The following COL23A1 variants were observed in gnomAD, a reference collection of about 807,000 sequenced individuals.
COL23A1 encodes the protein collagen type XXIII alpha 1 chain.
COL23A1 carries 97 observed loss-of-function variants against 99.3 expected under a neutral mutation model. That is an observed-to-expected ratio of 0.98 (90% CI 0.83 to 1.16). COL23A1 has a LOEUF of 1.16. COL23A1 is among the 50% of genes most tolerant of loss of function. The pLI is 0.00. For synonymous variants in COL23A1, 320 were observed against 308.2 expected (o/e 1.04, Z -0.40); for missense variants, 762 against 757.4 (o/e 1.01, Z -0.07).
At chr5:178,383,714 C>G (rs1366026681) in intron 2 of COL23A1, among the ~76,000 whole-genome samples, 1 of 151,696 alleles carries the variant, frequency 6.6e-6, no homozygotes, top group African/African-American at 2.4e-5. Context: ...CAATCACAGT[C>G]CTTCAGTGTT....
chr5:178,480,764 A>C (rs1757290050), intron 2 of COL23A1, among the ~76,000 whole-genome samples: 2 of 152,208 alleles, frequency 1.3e-5, no homozygotes, highest in African/African-American at 4.8e-5. Context: ...CAAGGATGCA[A>C]AAAGCCTGCT....
chr5:178,289,269 C>T lies in COL23A1; in HGVS notation c.415-919G>A, dbSNP rs535995191. On this transcript the variant is annotated intron_variant, in intron 4 of 28. Coordinates refer to ENST00000390654, the MANE Select transcript of COL23A1 (RefSeq NM_173465.4). ...GAAGGCTGATTTTGGCTCTGACTGT[C>T]AATGTGCTTCTTGAGTGGATTAACT... 5.9e-5 allele frequency among the ~76,000 whole-genome samples: 9 copies of T among 152,254 alleles called. No individual in the cohort carries two copies. In the South Asian group the frequency reaches 1.7e-3, roughly 28 times the overall value.
At chr5:178,321,878 G>A (rs990788285) in intron 2 of COL23A1, among the ~76,000 whole-genome samples, 2 of 151,764 alleles carry the variant, frequency 1.3e-5, no homozygotes, top group Non-Finnish European at 2.9e-5. Context: ...ACAGTGGCAC[G>A]ATCTTGGCTC....
Position 178,262,260 on chromosome 5 carries a change from A to G in COL23A1, c.640-8T>C, listed in dbSNP as rs1358874448. On this transcript the variant is annotated splice_region_variant and splice_polypyrimidine_tract_variant and intron_variant, in intron 9 of 28. Coordinates refer to ENST00000390654, the MANE Select transcript of COL23A1 (RefSeq NM_173465.4). The stretch of plus-strand genomic sequence containing the variant: ...GGGCTCTCCTTTGGGGCCCTGCGGA[A>G]GTGTGAGGGGACAGCAGTGAAGGAT... 8.2e-6 allele frequency: 13 copies of G among 1,579,614 alleles called. No individual in the cohort carries two copies. The highest frequency in any genetic ancestry group is 1.1e-5 in the Non-Finnish European group (13 of 1,162,150).
rs553567177 is a variant in COL23A1, at chr5:178,509,833, G to A, written c.361+50849C>T. ...GATCATTAGCCATTAATCATGTGCCGTCCAGGGACAGCTTGTCTGCTTTCT... is the reference window on the plus strand; with the variant it reads ...GATCATTAGCCATTAATCATGTGCCATCCAGGGACAGCTTGTCTGCTTTCT... On this transcript the variant is annotated intron_variant, in intron 2 of 28. Transcript: ENST00000390654. 6.6e-5 allele frequency among the ~76,000 whole-genome samples: 10 copies of A among 152,322 alleles called. No individual in the cohort carries two copies. In the South Asian group the frequency reaches 1.9e-3, roughly 28 times the overall value.
chr5:178,590,303 C>T lies in COL23A1; in HGVS notation c.-106G>A. ...AGCCCGAGGCACGAGGTCCGCCGGG[C>T]GCGGGGGTTAGCCTCCGGGTAGCAG... On this transcript the variant is annotated 5_prime_UTR_variant, in exon 1 of 29. Coordinates refer to ENST00000390654, the MANE Select transcript of COL23A1 (RefSeq NM_173465.4). The surrounding 1 kb of genome is among the most constrained non-coding windows in gnomAD (Gnocchi z 5.7). 9.6e-7 allele frequency: 1 copy of T among 1,046,502 alleles called. No homozygotes were observed. The highest frequency in any genetic ancestry group is 1.2e-6 in the Non-Finnish European group (1 of 841,806). 64.8% of individuals were successfully genotyped at this position (1,046,502 alleles called of 1,614,324 possible).
chr5:178,458,160 G>A (rs1430706538), intron 2 of COL23A1, among the ~76,000 whole-genome samples: 1 of 2,466 alleles, frequency 4.1e-4, no homozygotes, highest in African/African-American at 9.3e-3. Context: ...AAATAACTGC[G>A]ATTGACCTCA....
intron 12 of COL23A1, among the ~76,000 whole-genome samples, chr5:178,259,436 C>T (rs1198882019): frequency 2.0e-5 from 3 of 152,188 alleles, no homozygotes; most frequent in African/African-American, 7.2e-5. Flanking sequence ...AACTAGTGCC[C>T]CCCAGCCCTG....
At chr5:178,400,366 C>CAAA (rs58417444) in intron 2 of COL23A1, among the ~76,000 whole-genome samples, 2,133 of 61,664 alleles carry the variant, frequency 0.035, 247 homozygotes, top group African/African-American at 0.12. Context: ...GACTCCGTCT[C>CAAA]AAAAAAAAAA....
chr5:178,547,376 T>G (rs1366253983), intron 2 of COL23A1, among the ~76,000 whole-genome samples: 1 of 151,836 alleles, frequency 6.6e-6, no homozygotes. Flanking sequence ...TTGGCTCTCC[T>G]GGGCCAGATT....
chr5:178,559,404 C>T (rs1367426209), intron 2 of COL23A1, among the ~76,000 whole-genome samples: 1 of 152,184 alleles, frequency 6.6e-6, no homozygotes, highest in Admixed American at 6.5e-5. Flanking sequence ...GTCACCTTTC[C>T]CTGCATGTCG....
At chr5:178,259,624 C>T (rs1013398606) in intron 12 of COL23A1, 97 bp downstream of exon 12, 10 of 1,190,292 alleles carry the variant, frequency 8.4e-6, no homozygotes, top group East Asian at 7.8e-5. Context: ...CAGCCCATCC[C>T]GTCCCCATCC....
At chr5:178,574,519 G>A (rs796947424) in intron 1 of COL23A1, among the ~76,000 whole-genome samples, 74 of 152,282 alleles carry the variant, frequency 4.9e-4, no homozygotes, top group African/African-American at 1.7e-3. Flanking sequence ...TACTCGCCAC[G>A]GGGTTGGATG....
At chr5:178,424,136 G>A (rs970654863) in intron 2 of COL23A1, among the ~76,000 whole-genome samples, 3 of 152,144 alleles carry the variant, frequency 2.0e-5, no homozygotes, top group Non-Finnish European at 4.4e-5. Context: ...CCAAGGCAGC[G>A]GACAGGAAGA....
At chr5:178,305,452 G>A (rs555184690) in intron 3 of COL23A1, among the ~76,000 whole-genome samples, 22 of 152,298 alleles carry the variant, frequency 1.4e-4, no homozygotes, top group African/African-American at 4.8e-4. Flanking sequence ...GCCTGGCTTC[G>A]TCACCATGGC....
intron 5 of COL23A1, among the ~76,000 whole-genome samples, chr5:178,279,230 C>T (rs1463223859): frequency 6.6e-6 from 1 of 152,228 alleles, no homozygotes; most frequent in Admixed American, 6.5e-5. Context: ...TCCTTCCAGA[C>T]TCACGTGTCA....
chr5:178,498,730 TA>T (rs940265291), intron 2 of COL23A1, among the ~76,000 whole-genome samples: 1 of 152,126 alleles, frequency 6.6e-6, no homozygotes, highest in African/African-American at 2.4e-5. Context: ...ATTGGATGAT[TA>T]AAAAATCCAA....
chr5:178,327,286 G>A (rs923465047), intron 2 of COL23A1, among the ~76,000 whole-genome samples: 1 of 152,230 alleles, frequency 6.6e-6, no homozygotes, highest in African/African-American at 2.4e-5. Flanking sequence ...GCCAATTACA[G>A]CACAGTGTGG....
rs1398967196 is a variant in COL23A1, at chr5:178,585,906, CCT to C, written c.294+3996_294+3997del. Among the ~76,000 whole-genome samples the C allele has an allele frequency of 7.2e-5, 11 of 152,314 alleles. No individual in the cohort carries two copies. In the South Asian group the frequency reaches 2.3e-3, roughly 32 times the overall value. On this transcript the variant is annotated intron_variant, in intron 1 of 28. Transcript: ENST00000390654. ...CCTTGCCAGTGAAGGGGATGGCGAC[CCT>C]GTGACCTAGCTCTGGCTAGTGGCTG...
Sources: allele counts gnomAD v4.1 joint callset (sites outside exome capture counted in the v4.1 genomes callset), GRCh38; gene constraint gnomAD v4.1.1; non-coding constraint Gnocchi (gnomAD v3.1); transcripts MANE v1.5; gene names NCBI Gene and HGNC (gene_info 2026-07-23, HGNC 2026-07-21).